GPR89B: variants seen among roughly 807,000 people sequenced by gnomAD.
GPR89B encodes the protein golgi pH regulator B.
GPR89B carries 25 observed loss-of-function variants against 52.4 expected under a neutral mutation model. The observed-to-expected ratio is 0.48, with a 90% CI of 0.35 to 0.67. The LOEUF is 0.67. Among genes scored for constraint, GPR89B ranks in the 30% least tolerant of loss-of-function variants. The pLI is 0.01. For synonymous variants in GPR89B, 52 were observed against 151.2 expected, an observed-to-expected ratio of 0.34 and a Z score of 4.81; for missense variants, 146 against 450.2, an observed-to-expected ratio of 0.32 and a Z score of 6.11.
chr1:147,982,140 A>G (rs1658301892), intron 10 of GPR89B, among the ~76,000 whole-genome samples: 1 of 151,752 alleles, frequency 6.6e-6, no homozygotes, highest in Admixed American at 6.6e-5. Flanking sequence ...GCTCACTGCA[A>G]CTTCCGCCTC....
downstream of GPR89B, chr1:147,994,182 T>G (rs1659255850): frequency 6.6e-7 from 1 of 1,507,500 alleles, no homozygotes; most frequent in Non-Finnish European, 9.0e-7. Context: ...TGGTTTCCAG[T>G]GGAGTTTTTC....
At chr1:147,974,973 T>G (rs1657730700) in intron 10 of GPR89B, among the ~76,000 whole-genome samples, 1 of 151,958 alleles carries the variant, frequency 6.6e-6, no homozygotes, top group Non-Finnish European at 1.5e-5. Context: ...TGGATTACGT[T>G]TATTGATTCG....
intron 1 of GPR89B, among the ~76,000 whole-genome samples, chr1:147,936,382 G>A (rs1269378428): frequency 1.3e-5 from 2 of 152,108 alleles, no homozygotes; most frequent in Non-Finnish European, 2.9e-5. Flanking sequence ...GGCAAAATAT[G>A]TACTTCCATT....
intron 10 of GPR89B, among the ~76,000 whole-genome samples, chr1:147,973,440 C>T (rs1200777847): frequency 1.4e-4 from 21 of 150,614 alleles, no homozygotes; most frequent in African/African-American, 4.9e-4. Context: ...TTTTTTCATA[C>T]GTTTGTTGGC....
intron 7 of GPR89B, among the ~76,000 whole-genome samples, chr1:147,961,857 G>T (rs1656596978): frequency 6.6e-6 from 1 of 151,818 alleles, no homozygotes; most frequent in African/African-American, 2.4e-5. Context: ...TGGAAGACTT[G>T]AATAGTAATG....
At chr1:147,934,818 C>T (rs1434188920) in intron 1 of GPR89B, among the ~76,000 whole-genome samples, 2 of 152,088 alleles carry the variant, frequency 1.3e-5, no homozygotes, top group African/African-American at 4.8e-5. Context: ...CCATCCTATT[C>T]ATCTTTGTAT....
intron 9 of GPR89B, 25 bp from the exon 10 acceptor site, chr1:147,969,842 A>G (rs1657287889): frequency 7.0e-6 from 9 of 1,294,868 alleles, no homozygotes; most frequent in Middle Eastern, 2.7e-4. Context: ...GCTGAAAACT[A>G]TGTTTTGTGT....
At chr1:148,006,459 G>A in the GPR89B span, among the ~76,000 whole-genome samples, 1 of 152,122 alleles carries the variant, frequency 6.6e-6, no homozygotes, top group East Asian at 1.9e-4. Flanking sequence ...ATTCTTCAAA[G>A]ATATTAATAG....
At position 147,970,491 on chromosome 1, in the gene GPR89B, A is replaced by ATCTCTCTCTCTCTC. The variant is rs1174595676; in HGVS notation, c.909+562_909+575dup. 1.0e-3 allele frequency among the ~76,000 whole-genome samples: 110 copies of ATCTCTCTCTCTCTC among 105,762 alleles called. 1 individual carries two copies. The highest frequency in any genetic ancestry group is 4.0e-3 in the East Asian group (12 of 3,016). 69.4% of individuals were successfully genotyped at this position (105,762 alleles called of 152,430 possible). On this transcript the variant is annotated intron_variant, in intron 10 of 13. Coordinates refer to ENST00000314163, the MANE Select transcript of GPR89B (RefSeq NM_016334.5). The stretch of plus-strand genomic sequence containing the variant: ...CAGCCTGGGGAGAGGGTGAGACTCC[A>ATCTCTCTCTCTCTC]TCTCTCTCTCTCTCTCTCTCTCTCT...
the GPR89B span, among the ~76,000 whole-genome samples, chr1:148,018,461 G>A: frequency 6.7e-6 from 1 of 149,814 alleles, no homozygotes; most frequent in Non-Finnish European, 1.5e-5. Context: ...GGCAGGAAGA[G>A]ATTTTATAAA....
intron 7 of GPR89B, among the ~76,000 whole-genome samples, chr1:147,965,635 C>G (rs1302967389): frequency 3.9e-5 from 6 of 152,028 alleles, no homozygotes; most frequent in Non-Finnish European, 8.8e-5. Flanking sequence ...GGTAGGTTTC[C>G]TGTTGACTTA....
chr1:147,939,735 C>T (rs1246636844), intron 3 of GPR89B, among the ~76,000 whole-genome samples: 9 of 152,254 alleles, frequency 5.9e-5, no homozygotes, highest in Admixed American at 1.3e-4. Flanking sequence ...TAGTGGCTCA[C>T]GCCTATAATC....
intron 7 of GPR89B, among the ~76,000 whole-genome samples, chr1:147,962,340 C>T (rs1285682611): frequency 6.6e-6 from 1 of 150,852 alleles, no homozygotes; most frequent in East Asian, 1.9e-4. Flanking sequence ...AGAAGAATTG[C>T]TTGAATCCAG....
chr1:147,961,694 A>G (rs1422170518), intron 7 of GPR89B, among the ~76,000 whole-genome samples: 1 of 152,146 alleles, frequency 6.6e-6, no homozygotes, highest in Non-Finnish European at 1.5e-5. Context: ...CAACGGACAT[A>G]TGAACATCAA....
At chr1:147,990,908 C>T (rs1659017925) in intron 12 of GPR89B, among the ~76,000 whole-genome samples, 1 of 151,674 alleles carries the variant, frequency 6.6e-6, no homozygotes, top group African/African-American at 2.4e-5. Flanking sequence ...GTTCTTTTGG[C>T]TTAGGATTGA....
intron 2 of GPR89B, among the ~76,000 whole-genome samples, chr1:147,937,122 G>A (rs587669627): frequency 2.0e-5 from 3 of 151,784 alleles, no homozygotes; most frequent in East Asian, 1.9e-4. Flanking sequence ...CTTAAGTGTC[G>A]GCCGGTCTGA....
chr1:147,994,109 T>G, downstream of GPR89B: 2 of 979,224 alleles, frequency 2.0e-6, no homozygotes, highest in Non-Finnish European at 2.8e-6. Flanking sequence ...TAAGCATAAA[T>G]TAGCCGTCTG....
intron 10 of GPR89B, among the ~76,000 whole-genome samples, chr1:147,979,203 C>A (rs1373025267): frequency 7.9e-5 from 12 of 152,010 alleles, no homozygotes; most frequent in Non-Finnish European, 1.5e-4. Flanking sequence ...AATGAGAGAA[C>A]CTGGTTACCT....
At chr1:148,003,315 G>T in the GPR89B span, among the ~76,000 whole-genome samples, 73 of 151,962 alleles carry the variant, frequency 4.8e-4, no homozygotes, top group Admixed American at 4.6e-4. Flanking sequence ...AGGACTCCTG[G>T]TTCTGAGTCC....
Sources: allele counts gnomAD v4.1 joint callset (sites outside exome capture counted in the v4.1 genomes callset), GRCh38; gene constraint gnomAD v4.1.1; transcripts MANE v1.5; gene names NCBI Gene and HGNC (gene_info 2026-07-23, HGNC 2026-07-21).